The following NEDD9 variants were observed in gnomAD, a reference collection of about 807,000 sequenced individuals.
The protein encoded by NEDD9 is neural precursor cell expressed, developmentally down-regulated 9, also known as enhancer of filamentation 1.
Under a neutral mutation model 76.6 loss-of-function variants are expected in NEDD9, and 26 were observed. The ratio of observed to expected loss-of-function variants is 0.34; its 90% CI spans 0.25 to 0.47. The LOEUF (loss-of-function observed/expected upper bound fraction) is 0.47, where lower values mean the gene tolerates loss of function less well. Ranked by LOEUF, NEDD9 falls within the 20% of genes least tolerant of loss-of-function variation. The pLI is 1.00. For synonymous variants in NEDD9, 392 were observed against 414.2 expected, an observed-to-expected ratio of 0.95 and a Z score of 0.65; for missense variants, 937 against 1,058.5, an observed-to-expected ratio of 0.89 and a Z score of 1.59.
intron 2 of NEDD9, chr6:11,199,637 C>CTTTTTTTTTTTTTTTTTTT (rs59651160): frequency 4.6e-5 from 2 of 43,110 alleles, no homozygotes; most frequent in African/African-American, 8.4e-5. Flanking sequence ...TAGGAAAGAT[C>CTTTTTTTTTTTTTTTTTTT]TTTTTTTTTT....
chr6:11,199,585 T>G (rs1184906896), intron 2 of NEDD9: 1 of 149,250 alleles, frequency 6.7e-6, no homozygotes, highest in Non-Finnish European at 1.5e-5. Flanking sequence ...TAATTGAGAT[T>G]AACCATCTTG....
chr6:11,195,531 C>G (rs1758271112), intron 2 of NEDD9, among the ~76,000 whole-genome samples: 1 of 152,062 alleles, frequency 6.6e-6, no homozygotes, highest in South Asian at 2.1e-4. Context: ...ATCAGCCCCT[C>G]TACTTAGAGC....
At chr6:11,187,092 T>C (rs1203992933) in intron 6 of NEDD9, among the ~76,000 whole-genome samples, 1 of 152,074 alleles carries the variant, frequency 6.6e-6, no homozygotes, top group East Asian at 1.9e-4. Flanking sequence ...TATCTTAGGC[T>C]TTATGCAAAT....
chr6:11,209,169 T>C (rs892760452), intron 2 of NEDD9, among the ~76,000 whole-genome samples: 3 of 152,208 alleles, frequency 2.0e-5, no homozygotes, highest in Non-Finnish European at 4.4e-5. Context: ...TTCCTAGACA[T>C]TGACCTAAAT....
intron 2 of NEDD9, among the ~76,000 whole-genome samples, chr6:11,331,624 A>G (rs1407120160): frequency 6.6e-6 from 1 of 152,158 alleles, no homozygotes; most frequent in Non-Finnish European, 1.5e-5. Context: ...ATCTCATGAG[A>G]TTAGCATAGG....
chr6:11,309,035 G>A (rs1030187221), intron 2 of NEDD9, among the ~76,000 whole-genome samples: 1 of 152,160 alleles, frequency 6.6e-6, no homozygotes, highest in Non-Finnish European at 1.5e-5. Flanking sequence ...CTGCCTACAG[G>A]TGACTACCTG....
At chr6:11,231,857 G>A (rs530381703) in intron 1 of NEDD9, among the ~76,000 whole-genome samples, 1 of 152,316 alleles carries the variant, frequency 6.6e-6, no homozygotes. Context: ...CAATGAGCCA[G>A]CCTGAGCCTT....
At chr6:11,266,755 C>T (rs1760209451) in intron 3 of NEDD9, among the ~76,000 whole-genome samples, 1 of 152,178 alleles carries the variant, frequency 6.6e-6, no homozygotes, top group African/African-American at 2.4e-5. Flanking sequence ...CCTTCAGTGA[C>T]CTTGATGTAG....
At chr6:11,234,326 A>AT (rs1168174270), upstream of NEDD9, among the ~76,000 whole-genome samples, 1 of 152,236 alleles carries the variant, frequency 6.6e-6, no homozygotes. Context: ...GAGGACAATG[A>AT]TTCAAAGCCC....
At chr6:11,335,728 T>C (rs942727023) in intron 1 of NEDD9, among the ~76,000 whole-genome samples, 4 of 152,232 alleles carry the variant, frequency 2.6e-5, no homozygotes, top group African/African-American at 4.8e-5. Context: ...TTATTTCTCA[T>C]TGGCAAAAAT....
intron 1 of NEDD9, among the ~76,000 whole-genome samples, chr6:11,371,915 T>A (rs1415914764): frequency 6.6e-6 from 1 of 152,224 alleles, no homozygotes. Context: ...AGGCATGCAA[T>A]GTGTAATAAT....
chr6:11,192,594 G>GA (rs1758177292), intron 3 of NEDD9, 148 bp from the exon 4 acceptor site: 1 of 416,336 alleles, frequency 2.4e-6, no homozygotes, highest in Non-Finnish European at 3.9e-6. Flanking sequence ...CAGATTTATT[G>GA]CCTTTTTTTT....
intron 1 of NEDD9, among the ~76,000 whole-genome samples, chr6:11,355,923 G>T (rs577310367): frequency 6.6e-5 from 10 of 151,916 alleles, no homozygotes; most frequent in African/African-American, 2.4e-4. Flanking sequence ...GGGTTTCACC[G>T]TGTTAGCCAG....
At chr6:11,204,067 A>C (rs1343566464) in intron 2 of NEDD9, among the ~76,000 whole-genome samples, 1 of 152,200 alleles carries the variant, frequency 6.6e-6, no homozygotes, top group Non-Finnish European at 1.5e-5. Flanking sequence ...TGGATCATAA[A>C]ATTTTAGCAA....
At chr6:11,379,277 G>A (rs1404755629) in intron 1 of NEDD9, among the ~76,000 whole-genome samples, 2 of 151,902 alleles carry the variant, frequency 1.3e-5, no homozygotes, top group Non-Finnish European at 2.9e-5. Context: ...TGTCAGCAAC[G>A]TTTTTTTCTT....
chr6:11,272,408 T>A, intron 3 of NEDD9, among the ~76,000 whole-genome samples: 1 of 152,256 alleles, frequency 6.6e-6, no homozygotes, highest in Non-Finnish European at 1.5e-5. Flanking sequence ...GATCACCTTC[T>A]ACTTTTAAGG....
At chr6:11,363,251 T>G (rs1762708536) in intron 1 of NEDD9, among the ~76,000 whole-genome samples, 1 of 152,168 alleles carries the variant, frequency 6.6e-6, no homozygotes. Context: ...AAGATAGAGG[T>G]AATCCCATGA....
intron 2 of NEDD9, among the ~76,000 whole-genome samples, chr6:11,328,119 G>A (rs542056850): frequency 6.6e-6 from 1 of 152,356 alleles, no homozygotes; most frequent in East Asian, 1.9e-4. Context: ...GTGGCAATAA[G>A]CTTGCAATGT....
At chr6:11,234,455 G>A (rs756063637), upstream of NEDD9, among the ~76,000 whole-genome samples, 3 of 152,178 alleles carry the variant, frequency 2.0e-5, no homozygotes, top group Non-Finnish European at 2.9e-5. Flanking sequence ...CATTGAGTAA[G>A]TGAGTGCTGT....
Sources: gnomAD v4.1 joint callset for allele counts (sites outside exome capture counted in the v4.1 genomes callset) on GRCh38, gnomAD v4.1.1 for gene constraint, MANE v1.5 for transcripts, NCBI Gene and HGNC (gene_info 2026-07-23, HGNC 2026-07-21) for gene names.